Variants in SMG6 observed in about 807,000 individuals in gnomAD.
SMG6 encodes SMG6 nonsense mediated mRNA decay factor, also known as telomerase-binding protein EST1A.
A neutral mutation model predicts 142.2 loss-of-function variants in SMG6; 66 were observed. That is an observed-to-expected ratio of 0.46 (90% CI 0.38 to 0.57). The LOEUF (loss-of-function observed/expected upper bound fraction) is 0.57, where lower values mean the gene tolerates loss of function less well. Among genes scored for constraint, SMG6 ranks in the 20% least tolerant of loss-of-function variants. SMG6 has a pLI of 0.00. For synonymous variants in SMG6, 779 were observed against 702.4 expected, an observed-to-expected ratio of 1.11 and a Z score of -1.72; for missense variants, 1,793 against 1,832.0, an observed-to-expected ratio of 0.98 and a Z score of 0.39.
intron 6 of SMG6, among the ~76,000 whole-genome samples, chr17:2,290,435 C>T (rs985865571): frequency 1.3e-5 from 2 of 152,204 alleles, no homozygotes; most frequent in Non-Finnish European, 2.9e-5. Context: ...ATACACGAGC[C>T]TTACACTTTT....
At chr17:2,219,475 G>A (rs1401958556) in intron 10 of SMG6, among the ~76,000 whole-genome samples, 1 of 151,940 alleles carries the variant, frequency 6.6e-6, no homozygotes, top group East Asian at 1.9e-4. Context: ...AAGAGTGTAA[G>A]CTGATACACC....
intron 13 of SMG6, among the ~76,000 whole-genome samples, chr17:2,093,412 T>C (rs1053779141): frequency 6.6e-6 from 1 of 151,804 alleles, no homozygotes; most frequent in African/African-American, 2.4e-5. Context: ...GACAGAGTGA[T>C]ATCGTGACTC....
intron 10 of SMG6, among the ~76,000 whole-genome samples, chr17:2,231,614 T>C (rs185142003): frequency 1.2e-3 from 184 of 152,184 alleles, no homozygotes; most frequent in Middle Eastern, 6.8e-3. Context: ...GGAGAACTGC[T>C]TGAACCCGGG....
At chr17:2,157,863 G>A (rs944718071) in intron 13 of SMG6, among the ~76,000 whole-genome samples, 2 of 152,196 alleles carry the variant, frequency 1.3e-5, no homozygotes, top group African/African-American at 4.8e-5. Flanking sequence ...AGAACCAGCT[G>A]GGTATTGCAA....
At chr17:2,222,619 C>G (rs2073209485) in intron 10 of SMG6, among the ~76,000 whole-genome samples, 1 of 132,826 alleles carries the variant, frequency 7.5e-6, no homozygotes, top group African/African-American at 2.8e-5. Context: ...GGCTTTTACA[C>G]TGAGTGAAAT....
chr17:2,194,147 A>G (rs1253867234), intron 10 of SMG6, among the ~76,000 whole-genome samples: 1 of 152,158 alleles, frequency 6.6e-6, no homozygotes, highest in African/African-American at 2.4e-5. Flanking sequence ...GAGTTGGTGG[A>G]TGCAGGGGGG....
chr17:2,253,387 C>T (rs2074093187), intron 8 of SMG6, among the ~76,000 whole-genome samples: 1 of 152,094 alleles, frequency 6.6e-6, no homozygotes, highest in Admixed American at 6.5e-5. Flanking sequence ...TCCTGATCCG[C>T]CCGCCTCGGT....
intron 13 of SMG6, among the ~76,000 whole-genome samples, chr17:2,139,413 G>A (rs1259336796): frequency 6.8e-6 from 1 of 147,888 alleles, no homozygotes; most frequent in East Asian, 2.0e-4. Flanking sequence ...ATGGAAAAGT[G>A]CCTGCTTTTT....
intron 13 of SMG6, among the ~76,000 whole-genome samples, chr17:2,147,588 G>T (rs768189332): frequency 6.6e-6 from 1 of 151,894 alleles, no homozygotes; most frequent in Non-Finnish European, 1.5e-5. Context: ...AAAATGATCA[G>T]AGCCAACATC....
intron 4 of SMG6, 115 bp downstream of exon 4, chr17:2,297,128 A>T: frequency 1.4e-6 from 1 of 696,502 alleles, no homozygotes; most frequent in Non-Finnish European, 2.4e-6. Flanking sequence ...CCCTGCACTG[A>T]ACTGTATCAT....
intron 13 of SMG6, among the ~76,000 whole-genome samples, chr17:2,093,093 C>G (rs2068766883): frequency 6.6e-6 from 1 of 151,742 alleles, no homozygotes. Flanking sequence ...ACTCAAGAGG[C>G]TGAGGCAGGA....
At position 2,283,477 on chromosome 17, in the gene SMG6, C is replaced by CCCGAGGACA. The variant is rs1410645361; in HGVS notation, c.2448+139_2448+147dup. ...CATTTAAGGACACTATGAGTCATTC[C>CCCGAGGACA]CCGAGGACACACAGACACTGAGCAA... On this transcript the variant is annotated intron_variant, in intron 7 of 18. Transcript: ENST00000263073. The CCCGAGGACA allele has an allele frequency of 3.0e-5, 20 of 663,724 alleles. No homozygotes were observed. In the East Asian group the frequency reaches 5.4e-4, roughly 18 times the overall value. The allele number at this position is 663,724 out of a possible 1,614,324, so 41.1% of individuals were successfully genotyped here.
intron 15 of SMG6, 107 bp downstream of exon 15, chr17:2,081,703 C>A (rs2068428671): frequency 7.6e-7 from 1 of 1,317,040 alleles, no homozygotes; most frequent in African/African-American, 1.4e-5. Flanking sequence ...CACTGCAGGA[C>A]TGACTCACTC....
intron 10 of SMG6, among the ~76,000 whole-genome samples, chr17:2,209,714 T>C (rs1485808179): frequency 1.3e-5 from 2 of 152,150 alleles, no homozygotes; most frequent in African/African-American, 4.8e-5. Context: ...TTGGCCAGCC[T>C]GGTCTCGAAC....
At chr17:2,111,444 C>T (rs933176048) in intron 13 of SMG6, among the ~76,000 whole-genome samples, 9 of 152,152 alleles carry the variant, frequency 5.9e-5, no homozygotes, top group East Asian at 3.9e-4. Context: ...CACAGGATCT[C>T]GCTGTTGCCC....
intron 10 of SMG6, among the ~76,000 whole-genome samples, chr17:2,193,549 T>A (rs965622546): frequency 1.3e-5 from 2 of 152,134 alleles, no homozygotes; most frequent in East Asian, 1.9e-4. Flanking sequence ...TAGGGAAATA[T>A]GGGGGCAAAG....
chr17:2,112,378 G>A (rs1000836184), intron 13 of SMG6, among the ~76,000 whole-genome samples: 2 of 151,350 alleles, frequency 1.3e-5, no homozygotes, highest in African/African-American at 2.4e-5. Context: ...CGTCGTGGCG[G>A]GCGTCTGGAG....
At chr17:2,176,598 A>T (rs2071659207) in intron 12 of SMG6, among the ~76,000 whole-genome samples, 1 of 152,180 alleles carries the variant, frequency 6.6e-6, no homozygotes, top group African/African-American at 2.4e-5. Flanking sequence ...CAGCCAGAGA[A>T]TACGCAACTG....
rs565298317 is a variant in SMG6, at chr17:2,297,883, G to T, written c.2020C>A (p.Leu674Ile). The T allele has an allele frequency of 3.7e-6, 6 of 1,611,426 alleles. No homozygotes were observed. The East Asian group carries it at 1.3e-4, about 36-fold the overall frequency. ...TTTACCTCATCCAAGAGCTCCAAAA[G>T]TCTGTTCCGAATCTGTTCTGGGTTC... ...VENPEQIRNR[L>I]LELLDEGSDF... Residue 674 changes from leucine to isoleucine, a missense_variant, in exon 3 of 19, where the codon CTT becomes ATT. Around this residue, in one of 3 missense-constraint regions of SMG6, gnomAD observed 1,597 missense variants for 1,584.6 expected, o/e 1.01. Transcript: ENST00000263073.
Sources: gnomAD v4.1 joint callset for allele counts (sites outside exome capture counted in the v4.1 genomes callset) on GRCh38, gnomAD v4.1.1 for gene constraint, gnomAD v4.1.1 regional missense constraint, MANE v1.5 for transcripts, NCBI Gene and HGNC (gene_info 2026-07-23, HGNC 2026-07-21) for gene names.